The following RASGRP2 variants were observed in gnomAD, a reference collection of about 807,000 sequenced individuals.
RASGRP2 encodes the protein RAS guanyl releasing protein 2, also known as RAS guanyl-releasing protein 2.
In RASGRP2, 44 loss-of-function variants were observed where a neutral mutation model predicts 71.0. The observed-to-expected ratio is 0.62, with a 90% CI of 0.49 to 0.80. The LOEUF (loss-of-function observed/expected upper bound fraction) is 0.80, where lower values mean the gene tolerates loss of function less well. Among genes scored for constraint, RASGRP2 ranks in the 30% least tolerant of loss-of-function variants. The probability of loss-of-function intolerance (pLI) is 0.00; values close to 1 mark genes in which losing one functional copy is unlikely to be tolerated. For missense variants in RASGRP2, 663 were observed against 813.4 expected, an observed-to-expected ratio of 0.82 and a Z score of 2.25; for synonymous variants, 350 against 330.7, an observed-to-expected ratio of 1.06 and a Z score of -0.63.
At chr11:64,734,210 G>T (rs2057858251) in intron 12 of RASGRP2, among the ~76,000 whole-genome samples, 1 of 152,038 alleles carries the variant, frequency 6.6e-6, no homozygotes, top group Non-Finnish European at 1.5e-5. Flanking sequence ...TACTCAGGAA[G>T]CTGAAGCAGG....
At chr11:64,740,483 A>C in intron 5 of RASGRP2, 1 of 628,240 alleles carries the variant, frequency 1.6e-6, no homozygotes, top group South Asian at 1.5e-5. Context: ...ACATGATCAC[A>C]AAACAGCGTG....
chr11:64,729,761 C>T lies in RASGRP2; in HGVS notation c.1591+1G>A. 1 of 1,614,116 alleles carries T rather than the reference C, an allele frequency of 6.2e-7. No homozygotes were observed. The highest frequency in any genetic ancestry group is 8.5e-7 in the Non-Finnish European group (1 of 1,179,980). ...CAGCCCTTCCAGTCATTCCATCTCA[C>T]CTCGGCATTTGAGGCCCTGCTTGTA... is the stretch of plus-strand genomic sequence containing the variant. On this transcript the variant is annotated splice_donor_variant, in intron 14 of 16. Transcript: ENST00000394432. LOFTEE classifies it high-confidence loss of function.
chr11:64,743,643 TC>T lies in RASGRP2; in HGVS notation c.-72+359del. On this transcript the variant is annotated intron_variant, in intron 1 of 16. Transcript: ENST00000394432. This position sits in a 1 kb window ranked among gnomAD's most constrained non-coding sequence, Gnocchi z 4.9. ...GTCCCAGGGGTCCCGGCTCAGCTTG[TC>T]CACAGGCCCTCTTCCTCCCTATCCC... 2 of 422,222 alleles carry T rather than the reference TC, an allele frequency of 4.7e-6. No individual in the cohort carries two copies. The highest frequency in any genetic ancestry group is 5.5e-5 in the Admixed American group (2 of 36,628). The allele number at this position is 422,222 out of a possible 1,614,324, so 26.2% of individuals were successfully genotyped here.
At chr11:64,730,332 G>T in intron 12 of RASGRP2, 138 bp from the exon 13 acceptor site, 2 of 1,103,718 alleles carry the variant, frequency 1.8e-6, no homozygotes, top group Non-Finnish European at 2.6e-6. Flanking sequence ...AGAAAAGGCG[G>T]CACTGGACTA....
intron 12 of RASGRP2, among the ~76,000 whole-genome samples, chr11:64,733,277 A>G (rs1485651354): frequency 6.6e-6 from 1 of 152,132 alleles, no homozygotes; most frequent in Non-Finnish European, 1.5e-5. Context: ...TCCAGAAACA[A>G]AGAGGGAGCT....
rs2057721110 is a variant in RASGRP2 at position 64,730,211 on chromosome 11, G to A, written c.1413-17C>T. On this transcript the variant is annotated splice_polypyrimidine_tract_variant and intron_variant, in intron 12 of 16. Transcript: ENST00000394432. ...CAGCCATCCCTGTGGGGAGTTGCGGGGGCGCTTCAGCTCGGGCCCTCCCCA... is the reference window on the plus strand; with the variant it reads ...CAGCCATCCCTGTGGGGAGTTGCGGAGGCGCTTCAGCTCGGGCCCTCCCCA... The A allele has an allele frequency of 6.4e-7, 1 of 1,551,370 alleles. No individual in the cohort carries two copies.
chr11:64,741,664 T>G (rs1592387351), intron 3 of RASGRP2, 163 bp from the exon 4 acceptor site: 48 of 680,638 alleles, frequency 7.1e-5, no homozygotes, highest in Admixed American at 1.7e-4. Flanking sequence ...GGGTTGGAGG[T>G]GGGGGTGGAG....
Position 64,740,939 on chromosome 11 carries a change from C to A in RASGRP2, c.371+9G>T. On this transcript the variant is annotated intron_variant, in intron 5 of 16. Coordinates refer to ENST00000394432, the MANE Select transcript of RASGRP2 (RefSeq NM_001098671.2). Reference sequence around the variant, plus strand: ...TGCCCCCCCAGCCCTCTGTGCTCCCCCCACGCACACGCTGTCTATGTCGAT... The same window carrying A: ...TGCCCCCCCAGCCCTCTGTGCTCCCACCACGCACACGCTGTCTATGTCGAT... 6.2e-7 allele frequency: 1 copy of A among 1,614,014 alleles called. No individual in the cohort carries two copies. Among genetic ancestry groups the A allele is most frequent in the South Asian group, 1.1e-5 (1 of 91,072 alleles).
chr11:64,741,995 G>A lies in RASGRP2; in HGVS notation c.176+15C>T, dbSNP rs1386566646. Reference sequence around the variant, plus strand: ...CTCCGACGGCGGGGGCCTTGGCAAGGCCGGCGAAGGATATATGTGGAGCAG... The same window carrying A: ...CTCCGACGGCGGGGGCCTTGGCAAGACCGGCGAAGGATATATGTGGAGCAG... On this transcript the variant is annotated intron_variant, in intron 3 of 16. Coordinates refer to ENST00000394432, the MANE Select transcript of RASGRP2 (RefSeq NM_001098671.2). 3 of 1,598,510 alleles carry A rather than the reference G, an allele frequency of 1.9e-6. No individual in the cohort carries two copies.
In RASGRP2 at chr11:64,729,876, C is replaced by G. The variant is rs373813459; in HGVS notation, c.1555-78G>C. 7 of 1,595,736 alleles carry G rather than the reference C, an allele frequency of 4.4e-6. No homozygotes were observed. In the African/African-American group the frequency reaches 9.4e-5, roughly 21 times the overall value. On this transcript the variant is annotated intron_variant, in intron 13 of 16. Transcript: ENST00000394432. Reference sequence around the variant, plus strand: ...TACTTCTTCCTTCTTGAGGGTGAGACTAGGGCTTTAGAGCCCGCCTCAGGG... The same window carrying G: ...TACTTCTTCCTTCTTGAGGGTGAGAGTAGGGCTTTAGAGCCCGCCTCAGGG...
Position 64,739,887 on chromosome 11 carries a change from CCTTCAGTGGTTACA to C in RASGRP2, c.523-92_523-79del. Reference sequence around the variant, plus strand: ...TAGCCACTCCTCACCCTCCAGCTGACCTTCAGTGGTTACACTGAAACCCCTGATGCACCCTGTGA... The same window carrying C: ...TAGCCACTCCTCACCCTCCAGCTGACCTGAAACCCCTGATGCACCCTGTGA... On this transcript the variant is annotated intron_variant, in intron 6 of 16. Transcript: ENST00000394432. The surrounding 1 kb of genome is among the most constrained non-coding windows in gnomAD (Gnocchi z 4.2). The C allele has an allele frequency of 3.1e-6, 5 of 1,608,338 alleles. No homozygotes were observed. Among genetic ancestry groups the C allele is most frequent in the Non-Finnish European group, 4.2e-6 (5 of 1,177,168 alleles).
Position 64,743,100 on chromosome 11 carries a change from C to G in RASGRP2, c.-71-163G>C, listed in dbSNP as rs1279112212. ...AACGGTCTGGCCCGGGATGGTGCAACCCGCCAGTTGGGAAACGGACCCGCA... is the reference window on the plus strand; with the variant it reads ...AACGGTCTGGCCCGGGATGGTGCAAGCCGCCAGTTGGGAAACGGACCCGCA... On this transcript the variant is annotated intron_variant, in intron 1 of 16. Transcript: ENST00000394432. The surrounding 1 kb of genome is among the most constrained non-coding windows in gnomAD (Gnocchi z 4.9). The G allele has an allele frequency of 2.5e-6, 2 of 811,106 alleles. No individual in the cohort carries two copies. Among genetic ancestry groups the G allele is most frequent in the Admixed American group, 4.0e-5 (2 of 49,424 alleles). 50.2% of individuals were successfully genotyped at this position (811,106 alleles called of 1,614,324 possible).
chr11:64,731,153 G>A (rs494128), intron 12 of RASGRP2, among the ~76,000 whole-genome samples: 104,567 of 152,152 alleles, frequency 0.69, 41,633 homozygotes, highest in Non-Finnish European at 0.9. Context: ...TCAGGAGTTC[G>A]AGACCAGCCT....
upstream of RASGRP2, chr11:64,745,129 C>G (rs536728687): frequency 6.6e-6 from 1 of 151,980 alleles, no homozygotes; most frequent in African/African-American, 2.4e-5. Flanking sequence ...AAACGAAGAG[C>G]CCCTCCCCCA....
chr11:64,742,739 C>A lies in RASGRP2; in HGVS notation c.73+55G>T. The A allele has an allele frequency of 6.4e-7, 1 of 1,562,486 alleles. No homozygotes were observed. The highest frequency in any genetic ancestry group is 8.7e-7 in the Non-Finnish European group (1 of 1,153,800). On this transcript the variant is annotated intron_variant, in intron 2 of 16. Coordinates refer to ENST00000394432, the MANE Select transcript of RASGRP2 (RefSeq NM_001098671.2). This position sits in a 1 kb window ranked among gnomAD's most constrained non-coding sequence, Gnocchi z 4.7. ...GGACTGTGCCTGGGAGGCAGGGACC[C>A]GGGCTCAGACTCGGGGCTAGGCTCA...
rs2058163451 is a variant in RASGRP2, at chr11:64,742,506, T to C, written c.73+288A>G. On this transcript the variant is annotated intron_variant, in intron 2 of 16. Transcript: ENST00000394432. This position sits in a 1 kb window ranked among gnomAD's most constrained non-coding sequence, Gnocchi z 4.7. ...TCCCAGGCCGGAGATAGCGAGTTCCTCCGGATTCCCCGGGAGACAGATAAT... is the reference window on the plus strand; with the variant it reads ...TCCCAGGCCGGAGATAGCGAGTTCCCCCGGATTCCCCGGGAGACAGATAAT... The C allele has an allele frequency of 1.7e-6, 1 of 578,802 alleles. No homozygotes were observed. Among genetic ancestry groups the C allele is most frequent in the South Asian group, 2.0e-5 (1 of 49,462 alleles). 35.9% of individuals were successfully genotyped at this position (578,802 alleles called of 1,614,324 possible).
chr11:64,743,332 C>T lies in RASGRP2; in HGVS notation c.-71-395G>A, dbSNP rs771512647. 3 of 440,654 alleles carry T rather than the reference C, an allele frequency of 6.8e-6. No homozygotes were observed. In the East Asian group the frequency reaches 2.1e-4, roughly 31 times the overall value. 27.3% of individuals were successfully genotyped at this position (440,654 alleles called of 1,614,324 possible). ...CCTCCCTCCACAGCCTCCCTTCCCC[C>T]GCAGGGTTATTTTGGGAACCCAGAG... On this transcript the variant is annotated intron_variant, in intron 1 of 16. Coordinates refer to ENST00000394432, the MANE Select transcript of RASGRP2 (RefSeq NM_001098671.2). The surrounding 1 kb of genome is among the most constrained non-coding windows in gnomAD (Gnocchi z 4.9).
At chr11:64,729,090 C>T (rs773818929) in intron 14 of RASGRP2, 48 bp from the exon 15 acceptor site, 18 of 1,533,124 alleles carry the variant, frequency 1.2e-5, no homozygotes, top group Admixed American at 1.1e-4. Context: ...GGTCAGAATA[C>T]CCTCCATCCC....
chr11:64,735,342 T>C lies in RASGRP2; in HGVS notation c.1297-115A>G. ...TGATGAGGTGTGTCTCAGAGAGGTC[T>C]CTGACACCACCCCCGTTCCATACCT... is the stretch of plus-strand genomic sequence containing the variant. On this transcript the variant is annotated intron_variant, in intron 11 of 16. Coordinates refer to ENST00000394432, the MANE Select transcript of RASGRP2 (RefSeq NM_001098671.2). This position sits in a 1 kb window ranked among gnomAD's most constrained non-coding sequence, Gnocchi z 4.2. 7.9e-7 allele frequency: 1 copy of C among 1,268,814 alleles called. No individual in the cohort carries two copies. Among genetic ancestry groups the C allele is most frequent in the South Asian group, 1.2e-5 (1 of 82,398 alleles). The allele number at this position is 1,268,814 out of a possible 1,614,324, so 78.6% of individuals were successfully genotyped here.
Sources: allele counts gnomAD v4.1 joint callset (sites outside exome capture counted in the v4.1 genomes callset), GRCh38; gene constraint gnomAD v4.1.1; non-coding constraint Gnocchi (gnomAD v3.1); transcripts MANE v1.5; gene names NCBI Gene and HGNC (gene_info 2026-07-23, HGNC 2026-07-21).